Variants in ZNF331 observed in about 807,000 individuals in gnomAD.
The protein encoded by ZNF331 is C2H2-like zinc finger protein rearranged in thyroid adenomas.
Under a neutral mutation model 7.0 loss-of-function variants are expected in ZNF331, and 2 were observed. That is an observed-to-expected ratio of 0.29 (90% CI 0.12 to 0.90). ZNF331 has a LOEUF of 0.90. Ranked by LOEUF, ZNF331 falls within the 40% of genes least tolerant of loss-of-function variation. The probability of loss-of-function intolerance (pLI) is 0.58; values close to 1 mark genes in which losing one functional copy is unlikely to be tolerated. For missense variants in ZNF331, 432 were observed against 587.7 expected (o/e 0.74, Z 2.74); for synonymous variants, 196 against 205.4 (o/e 0.95, Z 0.39).
At chr19:53,540,095 A>C (rs771187927) in intron 2 of ZNF331, among the ~76,000 whole-genome samples, 1 of 152,190 alleles carries the variant, frequency 6.6e-6, no homozygotes, top group Non-Finnish European at 1.5e-5. Flanking sequence ...TTATTCATGA[A>C]TCCTTCAAAA....
chr19:53,568,676 C>A (rs1453788284), intron 3 of ZNF331, among the ~76,000 whole-genome samples: 1 of 151,836 alleles, frequency 6.6e-6, no homozygotes, highest in South Asian at 2.1e-4. Flanking sequence ...TTTACTACAT[C>A]CCACCCATCC....
chr19:53,538,887 G>T (rs868581981), intron 1 of ZNF331: 1 of 152,400 alleles, frequency 6.6e-6, no homozygotes, highest in Non-Finnish European at 1.5e-5. Flanking sequence ...CAAGGGCCGC[G>T]GAGGGACGTG....
At chr19:53,552,030 A>G (rs1422065463) in intron 2 of ZNF331, among the ~76,000 whole-genome samples, 1 of 152,174 alleles carries the variant, frequency 6.6e-6, no homozygotes, top group Non-Finnish European at 1.5e-5. Flanking sequence ...TGCTTGTACA[A>G]GTAACATTTC....
Position 53,578,407 on chromosome 19 carries a change from C to A in ZNF331, c.*455C>A, listed in dbSNP as rs1600528938. On this transcript the variant is annotated 3_prime_UTR_variant, in exon 6 of 6. Coordinates refer to ENST00000449416, the MANE Select transcript of ZNF331 (RefSeq NM_001079906.2). ...AACTTAAAAAAGAAAAGAAAAAAAT[C>A]ATATACTGAGGTTGCTAAGATCTAC... The A allele has an allele frequency of 4.3e-6, 1 of 233,936 alleles. No homozygotes were observed. Among genetic ancestry groups the A allele is most frequent in the East Asian group, 6.2e-5 (1 of 16,234 alleles). 14.5% of individuals were successfully genotyped at this position (233,936 alleles called of 1,614,324 possible).
At chr19:53,506,482 G>C in the ZNF331 span, among the ~76,000 whole-genome samples, 614 of 56,888 alleles carry the variant, frequency 0.011, no homozygotes, top group African/African-American at 0.015. Flanking sequence ...CTCTCTCTCT[G>C]TCTGTCTCTC....
rs1379619574 is a variant in ZNF331, at chr19:53,569,309, G to A, written c.-68G>A. 3 of 1,582,626 alleles carry A rather than the reference G, an allele frequency of 1.9e-6. No individual in the cohort carries two copies. The highest frequency in any genetic ancestry group is 2.7e-5 in the African/African-American group (2 of 74,074). ...CTCTTTTTTTCCACCCCTAGCTCTA[G>A]CCTCTCGGAATTTGTCTTCTTCAGT... On this transcript the variant is annotated 5_prime_UTR_variant, in exon 4 of 6. Transcript: ENST00000449416.
chr19:53,540,978 C>T (rs1383267477), intron 2 of ZNF331, among the ~76,000 whole-genome samples: 2 of 152,196 alleles, frequency 1.3e-5, no homozygotes, highest in East Asian at 3.8e-4. Flanking sequence ...AGTGTCAGCC[C>T]ATTAGCAATT....
chr19:53,529,218 G>A (rs1334366271), intron 2 of ZNF331, among the ~76,000 whole-genome samples: 1 of 151,938 alleles, frequency 6.6e-6, no homozygotes, highest in African/African-American at 2.4e-5. Flanking sequence ...TGGCTAACAC[G>A]GTGAAACCCC....
chr19:53,576,932 ACAT>A lies in ZNF331; in HGVS notation c.376_378del (p.His126del). 5.0e-6 allele frequency: 8 copies of A among 1,614,198 alleles called. No homozygotes were observed. The highest frequency in any genetic ancestry group is 1.3e-5 in the African/African-American group (1 of 75,046). The stretch of plus-strand genomic sequence containing the variant: ...GCACCCCTCCTAGAACACATCAGAG[ACAT>A]CATAAGGAGAATTCCTTTGAATGTA... On this transcript the variant is annotated inframe_deletion, in exon 6 of 6. Coordinates refer to ENST00000449416, the MANE Select transcript of ZNF331 (RefSeq NM_001079906.2).
At position 53,578,155 on chromosome 19, in the gene ZNF331, C is replaced by T. The variant is rs1285306056; in HGVS notation, c.*203C>T. ...CAGCCGGCCGGGGATGTGAGTCATC[C>T]CTTGGTCCAGCACATCCACGCTGTA... On this transcript the variant is annotated 3_prime_UTR_variant, in exon 6 of 6. Transcript: ENST00000449416. 4 of 654,362 alleles carry T rather than the reference C, an allele frequency of 6.1e-6. No individual in the cohort carries two copies. The highest frequency in any genetic ancestry group is 7.5e-6 in the Non-Finnish European group (3 of 400,688). The allele number at this position is 654,362 out of a possible 1,614,324, so 40.5% of individuals were successfully genotyped here.
chr19:53,521,689 T>G (rs2087095327), exon 1 of ZNF331: 1 of 152,550 alleles, frequency 6.6e-6, no homozygotes, highest in South Asian at 2.1e-4. Flanking sequence ...AATGTGCCTT[T>G]GCACTTCTGT....
chr19:53,525,587 G>A lies in ZNF331; in HGVS notation c.-205+2903G>A, dbSNP rs557718506. Among the ~76,000 whole-genome samples the A allele has an allele frequency of 9.8e-4, 150 of 152,300 alleles. 1 individual carries two copies. The highest frequency in any genetic ancestry group is 3.5e-3 in the African/African-American group (146 of 41,560). ...GTTATTGGTGTATAGGAATGCTTGT[G>A]ACTTTTGCACATTGATTTTGTAAGG... On this transcript the variant is annotated intron_variant, in intron 2 of 6. Coordinates refer to the ZNF331 transcript ENST00000253144.
At position 53,577,015 on chromosome 19, in the gene ZNF331, T is replaced by C. The variant is rs751560573; in HGVS notation, c.455T>C (p.Ile152Thr). The C allele has an allele frequency of 6.2e-7, 1 of 1,613,330 alleles. No homozygotes were observed. The highest frequency in any genetic ancestry group is 8.5e-7 in the Non-Finnish European group (1 of 1,179,694). The change falls in exon 6 of 6, where the codon ATC (isoleucine) becomes ACC (threonine). Residue 152 changes from isoleucine (I) to threonine (T), a missense_variant. Physicochemically the swap from Ile to Thr is moderately conservative, Grantham distance 89 (BLOSUM62 -1). Around this residue, in one of 3 missense-constraint regions of ZNF331, gnomAD observed 312 missense variants for 448.6 expected, o/e 0.70. Transcript: ENST00000449416. ...RGYQLSQHQKIHTGEKPYECK... is the reference protein window; with the variant it reads ...RGYQLSQHQKTHTGEKPYECK... The stretch of plus-strand genomic sequence containing the variant: ...TATCAACTTAGTCAACATCAGAAAA[T>C]CCATACTGGTGAGAAACCTTATGAA...
intron 2 of ZNF331, among the ~76,000 whole-genome samples, chr19:53,548,371 A>G (rs1468153577): frequency 6.6e-6 from 1 of 152,030 alleles, no homozygotes; most frequent in East Asian, 1.9e-4. Flanking sequence ...TCAGCCTCCC[A>G]AAGTGCTGGG....
intron 2 of ZNF331, among the ~76,000 whole-genome samples, chr19:53,552,410 A>G (rs964350126): frequency 1.3e-5 from 2 of 152,226 alleles, no homozygotes; most frequent in East Asian, 1.9e-4. Context: ...TGACAAGTAC[A>G]TATTTTAGCA....
intron 3 of ZNF331, among the ~76,000 whole-genome samples, chr19:53,565,506 G>A (rs2090109349): frequency 6.6e-6 from 1 of 151,758 alleles, no homozygotes; most frequent in African/African-American, 2.4e-5. Context: ...GGCCTTTTTT[G>A]TCCTTTATCC....
chr19:53,507,135 C>T, the ZNF331 span, among the ~76,000 whole-genome samples: 2 of 152,012 alleles, frequency 1.3e-5, no homozygotes, highest in Non-Finnish European at 1.5e-5. Context: ...TTTCAGTGGT[C>T]GACAAAAGTT....
At chr19:53,518,643 TAATC>T (rs199503426), upstream of ZNF331, among the ~76,000 whole-genome samples, 758 of 152,334 alleles carry the variant, frequency 5.0e-3, 5 homozygotes, top group African/African-American at 0.017. Context: ...GTAGTGTACT[TAATC>T]AATATATATA....
Position 53,550,054 on chromosome 19 carries a change from C to T in ZNF331, c.-137-5791C>T, listed in dbSNP as rs566529440. Among the ~76,000 whole-genome samples, 6 of 152,282 alleles carry T rather than the reference C, an allele frequency of 3.9e-5. No individual in the cohort carries two copies. The South Asian group carries it at 6.2e-4, about 16-fold the overall frequency. On this transcript the variant is annotated intron_variant, in intron 2 of 5. Coordinates refer to ENST00000449416, the MANE Select transcript of ZNF331 (RefSeq NM_001079906.2). ...TTTTTTGATTTACCTAAATTTCTCC[C>T]GTTATTGATTTCCAGTTTTATGCCC...
Sources: allele counts gnomAD v4.1 joint callset (sites outside exome capture counted in the v4.1 genomes callset), GRCh38; gene constraint gnomAD v4.1.1; regional missense constraint gnomAD v4.1.1; transcripts MANE v1.5; gene names NCBI Gene and HGNC (gene_info 2026-07-23, HGNC 2026-07-21).